Variants in NOS1 observed in about 807,000 individuals in gnomAD.
The protein encoded by NOS1 is nitric oxide synthase 1.
Under a neutral mutation model 164.5 loss-of-function variants are expected in NOS1, and 51 were observed. The observed-to-expected ratio is 0.31, with a 90% confidence interval of 0.25 to 0.39. The LOEUF is 0.39. Among genes scored for constraint, NOS1 ranks in the 10% least tolerant of loss-of-function variants. The pLI is 1.00. For missense variants in NOS1, 1,362 were observed against 1,885.6 expected (o/e 0.72, Z 5.14); for synonymous variants, 719 against 745.8 (o/e 0.96, Z 0.59).
Position 117,209,060 on chromosome 12 carries a change from C to T in NOS1, c.*6249G>A. 2 of 985,260 alleles carry T rather than the reference C, an allele frequency of 2.0e-6. No individual in the cohort carries two copies. Among genetic ancestry groups the T allele is most frequent in the African/African-American group, 1.7e-5 (1 of 57,296 alleles). 61.0% of individuals were successfully genotyped at this position (985,260 alleles called of 1,614,324 possible). On this transcript the variant is annotated 3_prime_UTR_variant, in exon 29 of 29. Coordinates refer to ENST00000317775, the MANE Select transcript of NOS1 (RefSeq NM_000620.5). ...TTGAAAGCATACTGCCCTCCCCATG[C>T]CCCCTCCCCCGGACACCCTCAAATC...
chr12:117,305,971 T>C (rs1874125253), intron 3 of NOS1, among the ~76,000 whole-genome samples: 3 of 152,082 alleles, frequency 2.0e-5, no homozygotes, highest in African/African-American at 4.8e-5. Flanking sequence ...CTCGTATTTT[T>C]AGTAGAGACG....
intron 22 of NOS1, among the ~76,000 whole-genome samples, chr12:117,230,464 C>G (rs1418702929): frequency 6.6e-6 from 1 of 152,184 alleles, no homozygotes; most frequent in East Asian, 1.9e-4. Flanking sequence ...AGTGTTCCTT[C>G]TGCTATTTAT....
rs774285428 is a variant in NOS1 at position 117,272,427 on chromosome 12, A to T, written c.1797T>A (p.Gly599=). Residue 599 remains glycine, a synonymous_variant, in exon 10 of 29, where the codon GGT becomes GGA. Coordinates refer to ENST00000317775, the MANE Select transcript of NOS1 (RefSeq NM_000620.5). This position sits in a 1 kb window ranked among gnomAD's most constrained non-coding sequence, Gnocchi z 4.3. ...GGGAGTTGTCACAGTAGTCGCGGACACCAATCTCTGTGCCCATGTACCAGC... is the reference window on the plus strand; with the variant it reads ...GGGAGTTGTCACAGTAGTCGCGGACTCCAATCTCTGTGCCCATGTACCAGC... ...FSGWYMGTEI[G]VRDYCDNSRY... The T allele has an allele frequency of 1.2e-5, 19 of 1,613,972 alleles. No homozygotes were observed. Among genetic ancestry groups the T allele is most frequent in the South Asian group, 2.2e-5 (2 of 91,082 alleles).
At chr12:117,263,240 T>C (rs1872090153) in intron 13 of NOS1, among the ~76,000 whole-genome samples, 2 of 151,728 alleles carry the variant, frequency 1.3e-5, no homozygotes, top group African/African-American at 4.8e-5. Context: ...AGTAAATGAA[T>C]GAATGAGTAA....
intron 4 of NOS1, 120 bp from the exon 5 acceptor site, chr12:117,288,339 A>T (rs9658342): frequency 0.012 from 9,989 of 839,132 alleles, 97 homozygotes; most frequent in Non-Finnish European, 0.015. Flanking sequence ...TCCCAGAGGC[A>T]GTTTCTCAAG....
intron 1 of NOS1, among the ~76,000 whole-genome samples, chr12:117,352,485 G>A (rs1876668858): frequency 6.6e-6 from 1 of 152,176 alleles, no homozygotes; most frequent in Admixed American, 6.5e-5. Context: ...TGCTGACAGA[G>A]GGAACTGTCG....
In NOS1 at chr12:117,272,273, T is replaced by A; in HGVS notation, c.1839+112A>T. 6 of 1,147,538 alleles carry A rather than the reference T, an allele frequency of 5.2e-6. No individual in the cohort carries two copies. The South Asian group carries it at 7.7e-5, about 15-fold the overall frequency. The allele number at this position is 1,147,538 out of a possible 1,614,324, so 71.1% of individuals were successfully genotyped here. A position where few individuals can be genotyped will look rare whatever the true frequency, so the allele number is the denominator to read the frequency against. The stretch of plus-strand genomic sequence containing the variant: ...GGCTTCTCTGGGATTGCAATTCTAT[T>A]CTAACCCCTTCAAGTTTCCAAGCCA... On this transcript the variant is annotated intron_variant, in intron 10 of 28. Coordinates refer to ENST00000317775, the MANE Select transcript of NOS1 (RefSeq NM_000620.5). This position sits in a 1 kb window ranked among gnomAD's most constrained non-coding sequence, Gnocchi z 4.3.
At chr12:117,245,265 C>T (rs1206087930) in intron 18 of NOS1, among the ~76,000 whole-genome samples, 1 of 152,150 alleles carries the variant, frequency 6.6e-6, no homozygotes, top group African/African-American at 2.4e-5. Flanking sequence ...GTAAAACTGG[C>T]ACAGTCTACA....
chr12:117,323,834 T>C (rs923599699), intron 2 of NOS1, among the ~76,000 whole-genome samples: 3 of 152,098 alleles, frequency 2.0e-5, no homozygotes, highest in Non-Finnish European at 2.9e-5. Flanking sequence ...CAGGCTGGAG[T>C]GCAGTGAGGC....
chr12:117,311,471 C>T lies in NOS1; in HGVS notation c.847G>A (p.Glu283Lys), dbSNP rs1461864723. Residue 283 changes from glutamate to lysine, a missense_variant, in exon 3 of 29, where the codon GAG becomes AAG. Coordinates refer to ENST00000317775, the MANE Select transcript of NOS1 (RefSeq NM_000620.5). ...GCTTGGCATCAAGCACTTACCTGCT[C>T]CTTCTCTGAATATGGGTTGTTGAGG... Reference protein sequence around the residue: ...VVLNNPYSEKEQPPTSGKQSP... With the variant: ...VVLNNPYSEKKQPPTSGKQSP... 6.2e-7 allele frequency: 1 copy of T among 1,605,474 alleles called. No homozygotes were observed. The highest frequency in any genetic ancestry group is 1.1e-5 in the South Asian group (1 of 88,288).
intron 10 of NOS1, among the ~76,000 whole-genome samples, chr12:117,270,159 C>T (rs1872695208): frequency 6.6e-6 from 1 of 152,222 alleles, no homozygotes; most frequent in South Asian, 2.1e-4. Context: ...GACCCAATAG[C>T]AAGTGCATTA....
At chr12:117,265,778 T>TTTTC (rs562144739) in intron 11 of NOS1, among the ~76,000 whole-genome samples, 136 of 151,928 alleles carry the variant, frequency 9.0e-4, no homozygotes, top group African/African-American at 2.8e-3. Flanking sequence ...CCCATCTTTT[T>TTTTC]TTTCTTTCTT....
chr12:117,266,314 C>T (rs9658388), intron 11 of NOS1, among the ~76,000 whole-genome samples: 15,500 of 152,086 alleles, frequency 0.1, 860 homozygotes, highest in East Asian at 0.14. Flanking sequence ...TAGGCCTTTG[C>T]GTCCTCGTAG....
intron 17 of NOS1, 26 bp downstream of exon 17, chr12:117,253,612 C>T: frequency 6.5e-7 from 1 of 1,539,426 alleles, no homozygotes; most frequent in Non-Finnish European, 9.0e-7. Flanking sequence ...TTCCCTGACC[C>T]CCGACCCCCT....
At position 117,210,082 on chromosome 12, in the gene NOS1, C is replaced by T. The variant is rs576426741; in HGVS notation, c.*5227G>A. 1.3e-5 allele frequency: 9 copies of T among 698,242 alleles called. No individual in the cohort carries two copies. Among genetic ancestry groups the T allele is most frequent in the Non-Finnish European group, 1.6e-5 (9 of 567,656 alleles). 43.3% of individuals were successfully genotyped at this position (698,242 alleles called of 1,614,324 possible). A position where few individuals can be genotyped will look rare whatever the true frequency, so the allele number is the denominator to read the frequency against. On this transcript the variant is annotated 3_prime_UTR_variant, in exon 29 of 29. Transcript: ENST00000317775. ...CAAACTCCTGGGACCAAGTGATCCT[C>T]CTGCCTCAGCCTCCCAAGTAGCTGG...
At chr12:117,227,086 T>C (rs1205455940) in intron 23 of NOS1, among the ~76,000 whole-genome samples, 1 of 151,982 alleles carries the variant, frequency 6.6e-6, no homozygotes, top group African/African-American at 2.4e-5. Flanking sequence ...GGAGGAAAAA[T>C]ACAGGGCAGA....
rs553730593 is a variant in NOS1 at position 117,314,049 on chromosome 12, C to T, written c.726-2457G>A. On this transcript the variant is annotated intron_variant, in intron 2 of 28. Transcript: ENST00000317775. ...AGCCACAGTCCAAGCTCTGAGAGCA[C>T]GATCCCCAGTGACCCCTCCAGCGGC... Among the ~76,000 whole-genome samples the T allele has an allele frequency of 2.6e-5, 4 of 152,278 alleles. No homozygotes were observed. The South Asian group carries it at 8.3e-4, about 32-fold the overall frequency.
intron 16 of NOS1, chr12:117,255,961 C>G (rs1322995156): frequency 6.7e-7 from 1 of 1,491,214 alleles, no homozygotes; most frequent in Admixed American, 2.8e-5. Context: ...CGGGCTGCAG[C>G]CAGACCGTGG....
rs1047644521 is a variant in NOS1 at position 117,230,988 on chromosome 12, A to G, written c.3405+974T>C. Reference sequence around the variant, plus strand: ...GAAGGGTAGTGGGGAGGAGTGGGGGAAAGTGGAGATGGTTCATGGGTACAA... The same window carrying G: ...GAAGGGTAGTGGGGAGGAGTGGGGGGAAGTGGAGATGGTTCATGGGTACAA... On this transcript the variant is annotated intron_variant, in intron 22 of 28. Transcript: ENST00000317775. Among the ~76,000 whole-genome samples, 10 of 152,070 alleles carry G rather than the reference A, an allele frequency of 6.6e-5. No individual in the cohort carries two copies. The East Asian group carries it at 1.9e-3, about 29-fold the overall frequency.
Sources: allele counts gnomAD v4.1 joint callset (sites outside exome capture counted in the v4.1 genomes callset), GRCh38; gene constraint gnomAD v4.1.1; non-coding constraint Gnocchi (gnomAD v3.1); transcripts MANE v1.5; gene names NCBI Gene and HGNC (gene_info 2026-07-23, HGNC 2026-07-21).